PLD5: variants seen among roughly 807,000 people sequenced by gnomAD.
PLD5 encodes the protein inactive phospholipase D5.
In PLD5, 36 loss-of-function variants were observed where a neutral mutation model predicts 61.1. That is an observed-to-expected ratio of 0.59 (90% CI 0.45 to 0.78). The LOEUF (loss-of-function observed/expected upper bound fraction) is 0.78, where lower values mean the gene tolerates loss of function less well. PLD5 is among the 30% of genes least tolerant of loss of function. The pLI is 0.00. For synonymous variants in PLD5, 243 were observed against 242.8 expected, an observed-to-expected ratio of 1.00 and a Z score of -0.01; for missense variants, 515 against 644.4, an observed-to-expected ratio of 0.80 and a Z score of 2.17.
chr1:242,405,709 C>A (rs991903453), intron 1 of PLD5, among the ~76,000 whole-genome samples: 2 of 151,826 alleles, frequency 1.3e-5, no homozygotes, highest in Non-Finnish European at 2.9e-5. Context: ...TCAAGCAATT[C>A]TCCTGCCTCA....
chr1:242,116,947 C>A (rs1240853767), intron 6 of PLD5, among the ~76,000 whole-genome samples: 1 of 152,088 alleles, frequency 6.6e-6, no homozygotes, highest in African/African-American at 2.4e-5. Flanking sequence ...AAAGCGTGTG[C>A]CTCTGCAGGG....
At chr1:242,358,851 G>A (rs1357890192) in intron 1 of PLD5, among the ~76,000 whole-genome samples, 3 of 152,116 alleles carry the variant, frequency 2.0e-5, no homozygotes, top group Non-Finnish European at 4.4e-5. Flanking sequence ...AGGCTTTGGG[G>A]CTGTGTGAAA....
At chr1:242,460,110 A>T (rs576556565) in intron 1 of PLD5, among the ~76,000 whole-genome samples, 1 of 152,300 alleles carries the variant, frequency 6.6e-6, no homozygotes, top group African/African-American at 2.4e-5. Flanking sequence ...GAAATTACTG[A>T]CACACACACT....
At chr1:242,325,494 G>GAAGA (rs1237112756) in intron 2 of PLD5, among the ~76,000 whole-genome samples, 1 of 151,236 alleles carries the variant, frequency 6.6e-6, no homozygotes, top group African/African-American at 2.4e-5. Context: ...AAGGTGGAGA[G>GAAGA]AAGAGAGAGA....
intron 1 of PLD5, among the ~76,000 whole-genome samples, chr1:242,388,894 G>T (rs923823528): frequency 1.3e-5 from 2 of 152,116 alleles, no homozygotes; most frequent in African/African-American, 4.8e-5. Flanking sequence ...GGTGGAGGTT[G>T]CAGTGAGCTG....
chr1:242,486,226 A>C (rs924732820), intron 1 of PLD5, among the ~76,000 whole-genome samples: 3 of 152,156 alleles, frequency 2.0e-5, no homozygotes, highest in African/African-American at 7.2e-5. Flanking sequence ...GGATCTAATT[A>C]AACTAAAGAG....
At position 242,323,706 on chromosome 1, in the gene PLD5, G is replaced by T. The variant is rs556962997; in HGVS notation, c.326+24400C>A. 2.0e-5 allele frequency among the ~76,000 whole-genome samples: 3 copies of T among 152,236 alleles called. No individual in the cohort carries two copies. In the South Asian group the frequency reaches 6.2e-4, roughly 32 times the overall value. On this transcript the variant is annotated intron_variant, in intron 2 of 9. Transcript: ENST00000536534. Reference sequence around the variant, plus strand: ...CTGTAATCTCTAAAACTCTTACTCAGCAGGAAAGCACATTTAAACATTTTA... The same window carrying T: ...CTGTAATCTCTAAAACTCTTACTCATCAGGAAAGCACATTTAAACATTTTA...
intron 1 of PLD5, among the ~76,000 whole-genome samples, chr1:242,484,850 G>T (rs1158071540): frequency 6.6e-6 from 1 of 152,132 alleles, no homozygotes; most frequent in South Asian, 2.1e-4. Context: ...ACACCAAAAA[G>T]CTTATCCACC....
chr1:242,217,994 G>A (rs958990143), intron 5 of PLD5, among the ~76,000 whole-genome samples: 3 of 152,192 alleles, frequency 2.0e-5, no homozygotes, highest in Non-Finnish European at 4.4e-5. Context: ...GGATTGAGAG[G>A]ACTGACTCCA....
intron 7 of PLD5, among the ~76,000 whole-genome samples, chr1:242,113,335 C>T (rs377036741): frequency 0.017 from 2,512 of 152,124 alleles, 66 homozygotes; most frequent in African/African-American, 0.056. Context: ...CCTCGTGATC[C>T]GCCCGCCTCG....
intron 6 of PLD5, among the ~76,000 whole-genome samples, chr1:242,118,024 CA>C (rs1195059285): frequency 2.0e-5 from 3 of 152,070 alleles, no homozygotes; most frequent in African/African-American, 7.2e-5. Context: ...CTGCTTTTTC[CA>C]AAACCAGATT....
chr1:242,395,676 T>G (rs1055419425), intron 1 of PLD5, among the ~76,000 whole-genome samples: 1 of 152,024 alleles, frequency 6.6e-6, no homozygotes, highest in African/African-American at 2.4e-5. Flanking sequence ...ACATAGAACA[T>G]AAAGAGATGC....
intron 1 of PLD5, among the ~76,000 whole-genome samples, chr1:242,376,482 CAATT>C (rs1661965450): frequency 6.6e-6 from 1 of 152,146 alleles, no homozygotes; most frequent in Non-Finnish European, 1.5e-5. Context: ...TGAATTCTAA[CAATT>C]AAAAACACTA....
At chr1:242,307,341 A>ATGACGACGG (rs1553346698) in intron 2 of PLD5, among the ~76,000 whole-genome samples, 2 of 148,608 alleles carry the variant, frequency 1.3e-5, no homozygotes, top group Non-Finnish European at 3.0e-5. Context: ...TAGCAAAACG[A>ATGACGACGG]TGATGACGGT....
At chr1:242,223,702 A>G (rs1293602377) in intron 4 of PLD5, among the ~76,000 whole-genome samples, 8 of 152,178 alleles carry the variant, frequency 5.3e-5, no homozygotes, top group Non-Finnish European at 1.0e-4. Flanking sequence ...TTTATGATAC[A>G]TCTGAAAAAA....
Position 242,089,788 on chromosome 1 carries a change from T to C in PLD5, c.*66A>G. 1 of 1,581,856 alleles carries C rather than the reference T, an allele frequency of 6.3e-7. No individual in the cohort carries two copies. On this transcript the variant is annotated 3_prime_UTR_variant, in exon 10 of 10. Coordinates refer to ENST00000536534, the MANE Select transcript of PLD5 (RefSeq NM_001372062.1). ...AAAAGAGACATATTAAAGTGTTTTT[T>C]CTCTCCTCAAGTCCTTTATGTATAA...
intron 1 of PLD5, among the ~76,000 whole-genome samples, chr1:242,477,345 T>C (rs1281345335): frequency 2.6e-5 from 4 of 152,208 alleles, no homozygotes; most frequent in Non-Finnish European, 5.9e-5. Flanking sequence ...AAGAACACGA[T>C]ACTCCTCACT....
In PLD5 at chr1:242,116,039, G is replaced by A. The variant is rs1176399817; in HGVS notation, c.934-2013C>T. ...GCTGTTTTACTTTGACAAGCGATAC[G>A]CTGTGACAAGTATCACATAAATAAT... On this transcript the variant is annotated intron_variant, in intron 6 of 9. Coordinates refer to ENST00000536534, the MANE Select transcript of PLD5 (RefSeq NM_001372062.1). 2.7e-5 allele frequency among the ~76,000 whole-genome samples: 4 copies of A among 146,544 alleles called. No homozygotes were observed. The East Asian group carries it at 6.1e-4, about 22-fold the overall frequency.
At chr1:242,272,642 A>G (rs1398843053) in intron 3 of PLD5, among the ~76,000 whole-genome samples, 2 of 152,196 alleles carry the variant, frequency 1.3e-5, no homozygotes, top group Non-Finnish European at 2.9e-5. Flanking sequence ...ACTCACTCTT[A>G]GATTGTCCTT....
Sources: gnomAD v4.1 joint callset for allele counts (sites outside exome capture counted in the v4.1 genomes callset) on GRCh38, gnomAD v4.1.1 for gene constraint, MANE v1.5 for transcripts, NCBI Gene and HGNC (gene_info 2026-07-23, HGNC 2026-07-21) for gene names.